The following KIF26B variants were observed in gnomAD, a reference collection of about 807,000 sequenced individuals.
KIF26B encodes kinesin-like protein KIF26B.
KIF26B carries 63 observed loss-of-function variants against 151.2 expected under a neutral mutation model. The observed-to-expected ratio is 0.42, with a 90% CI of 0.34 to 0.51. KIF26B has a LOEUF of 0.51. Among genes scored for constraint, KIF26B ranks in the 20% least tolerant of loss-of-function variants. KIF26B has a pLI of 0.07. For synonymous variants in KIF26B, 1,357 were observed against 1,262.1 expected, an observed-to-expected ratio of 1.08 and a Z score of -1.59; for missense variants, 2,813 against 2,913.6, an observed-to-expected ratio of 0.97 and a Z score of 0.79.
chr1:245,596,137 A>AT (rs747422251), intron 5 of KIF26B, among the ~76,000 whole-genome samples: 8 of 151,764 alleles, frequency 5.3e-5, no homozygotes, highest in East Asian at 1.9e-4. Context: ...TTTTTGAAGG[A>AT]TTTTTTGTGT....
chr1:245,497,107 T>C (rs71636572), intron 4 of KIF26B, among the ~76,000 whole-genome samples: 5,162 of 150,122 alleles, frequency 0.034, 141 homozygotes, highest in Non-Finnish European at 0.05. Context: ...GAGCCGAGAT[T>C]GCACCATTGC....
At chr1:245,673,087 G>A (rs543136571) in intron 10 of KIF26B, among the ~76,000 whole-genome samples, 167 of 95,654 alleles carry the variant, frequency 1.7e-3, no homozygotes, top group South Asian at 4.2e-3. Context: ...GTCCCCGCTG[G>A]GCGCTGCCAT....
intron 3 of KIF26B, among the ~76,000 whole-genome samples, chr1:245,403,870 T>C (rs1241475272): frequency 6.6e-6 from 1 of 152,306 alleles, no homozygotes; most frequent in East Asian, 1.9e-4. Context: ...AACTGACCTT[T>C]CATAATAGAT....
chr1:245,280,530 C>CCAAA (rs1553341039), intron 2 of KIF26B, among the ~76,000 whole-genome samples: 1 of 79,638 alleles, frequency 1.3e-5, no homozygotes, highest in Non-Finnish European at 2.1e-5. Context: ...GACTCTGTCT[C>CCAAA]AAAAAAAAAA....
rs144409236 is a variant in KIF26B at position 245,341,079 on chromosome 1, G to T, written c.466-25755G>T. On this transcript the variant is annotated intron_variant, in intron 2 of 14. Coordinates refer to ENST00000407071, the MANE Select transcript of KIF26B (RefSeq NM_018012.4). ...CTCCTTTCCCAATCCCAGTGCCTCA[G>T]ATGTTCTCGTTTTTCCCTTGGGGTG... is the stretch of plus-strand genomic sequence containing the variant. 1.2e-4 allele frequency among the ~76,000 whole-genome samples: 18 copies of T among 152,262 alleles called. No homozygotes were observed. In the East Asian group the frequency reaches 3.3e-3, roughly 28 times the overall value.
chr1:245,684,459 A>G, intron 11 of KIF26B, 64 bp downstream of exon 11: 2 of 1,472,612 alleles, frequency 1.4e-6, no homozygotes, highest in Non-Finnish European at 1.8e-6. Context: ...GCCCTGGAAC[A>G]GAGTCAGAAA....
At chr1:245,233,956 C>T (rs567639136) in intron 2 of KIF26B, among the ~76,000 whole-genome samples, 2 of 152,128 alleles carry the variant, frequency 1.3e-5, no homozygotes, top group South Asian at 4.2e-4. Flanking sequence ...CTGAGGCGGG[C>T]AGATCACCTG....
intron 6 of KIF26B, among the ~76,000 whole-genome samples, chr1:245,607,025 C>T (rs2043462249): frequency 7.2e-6 from 1 of 137,990 alleles, no homozygotes; most frequent in Non-Finnish European, 1.5e-5. Flanking sequence ...GAGATCGCAC[C>T]ATTGCACTCC....
intron 3 of KIF26B, among the ~76,000 whole-genome samples, chr1:245,383,599 C>T (rs1673468184): frequency 6.6e-6 from 1 of 152,186 alleles, no homozygotes; most frequent in African/African-American, 2.4e-5. Flanking sequence ...GTGGCCCACT[C>T]TCTCCACCCT....
chr1:245,672,684 A>C (rs1204381133), intron 10 of KIF26B, among the ~76,000 whole-genome samples: 1 of 152,160 alleles, frequency 6.6e-6, no homozygotes, highest in Non-Finnish European at 1.5e-5. Context: ...GATAGAGAGC[A>C]TAAAATTGGC....
At chr1:245,252,729 T>C (rs1222526148) in intron 2 of KIF26B, among the ~76,000 whole-genome samples, 1 of 152,116 alleles carries the variant, frequency 6.6e-6, no homozygotes, top group Non-Finnish European at 1.5e-5. Context: ...ATTCCTCTTA[T>C]TGACTTTTCT....
At chr1:245,618,882 T>C (rs1270531717) in intron 9 of KIF26B, among the ~76,000 whole-genome samples, 6 of 147,030 alleles carry the variant, frequency 4.1e-5, no homozygotes, top group Non-Finnish European at 8.9e-5. Context: ...GTGCTGGGGC[T>C]GTGTCTGCTG....
At chr1:245,514,801 G>A (rs1274396437) in intron 4 of KIF26B, among the ~76,000 whole-genome samples, 2 of 152,118 alleles carry the variant, frequency 1.3e-5, no homozygotes, top group Non-Finnish European at 2.9e-5. Context: ...GTCATTGCTT[G>A]ACTTCTATTC....
At chr1:245,520,705 A>G (rs764313520) in intron 4 of KIF26B, among the ~76,000 whole-genome samples, 5 of 151,988 alleles carry the variant, frequency 3.3e-5, no homozygotes, top group African/African-American at 4.8e-5. Context: ...AGCATGCACC[A>G]TTCCTGGCAG....
intron 5 of KIF26B, among the ~76,000 whole-genome samples, chr1:245,543,496 G>A (rs1245491228): frequency 4.0e-5 from 2 of 49,866 alleles, no homozygotes; most frequent in African/African-American, 6.2e-5. Flanking sequence ...GCGGGGCATC[G>A]GTCTGGGGTC....
intron 9 of KIF26B, among the ~76,000 whole-genome samples, chr1:245,630,734 G>A (rs1156886781): frequency 6.6e-6 from 1 of 152,038 alleles, no homozygotes; most frequent in Non-Finnish European, 1.5e-5. Context: ...ATGTATCCCA[G>A]AACTTGAAGT....
intron 4 of KIF26B, among the ~76,000 whole-genome samples, chr1:245,456,662 T>C (rs191927818): frequency 1.4e-3 from 209 of 152,348 alleles, no homozygotes; most frequent in African/African-American, 4.4e-3. Flanking sequence ...TTCTTAGTGA[T>C]TTTTAAGAAC....
chr1:245,638,300 G>A (rs1185361480), intron 9 of KIF26B, among the ~76,000 whole-genome samples: 5 of 151,778 alleles, frequency 3.3e-5, no homozygotes, highest in Admixed American at 2.0e-4. Context: ...ATAGCATATA[G>A]AAATGTTACA....
Position 245,516,855 on chromosome 1 carries a change from C to A in KIF26B, c.1167-23912C>A, listed in dbSNP as rs567957117. On this transcript the variant is annotated intron_variant, in intron 4 of 14. Coordinates refer to ENST00000407071, the MANE Select transcript of KIF26B (RefSeq NM_018012.4). The surrounding 1 kb of genome is among the most constrained non-coding windows in gnomAD (Gnocchi z 4.2). ...CCGGTTACCAGACTGTCCCTGGATACTGGGGACTAAAAGCTGGTGATTGGC... is the reference window on the plus strand; with the variant it reads ...CCGGTTACCAGACTGTCCCTGGATAATGGGGACTAAAAGCTGGTGATTGGC... Among the ~76,000 whole-genome samples the A allele has an allele frequency of 1.4e-5, 2 of 145,610 alleles. No individual in the cohort carries two copies. The highest frequency in any genetic ancestry group is 5.0e-5 in the African/African-American group (2 of 40,374).
Sources: allele counts gnomAD v4.1 joint callset (sites outside exome capture counted in the v4.1 genomes callset), GRCh38; gene constraint gnomAD v4.1.1; non-coding constraint Gnocchi (gnomAD v3.1); transcripts MANE v1.5; gene names NCBI Gene and HGNC (gene_info 2026-07-23, HGNC 2026-07-21).